The following CLHC1 variants were observed in gnomAD, a reference collection of about 807,000 sequenced individuals.
The protein encoded by CLHC1 is clathrin heavy chain linker domain containing 1.
CLHC1 carries 72 observed loss-of-function variants against 69.5 expected under a neutral mutation model. The ratio of observed to expected loss-of-function variants is 1.04; its 90% confidence interval spans 0.86 to 1.26. CLHC1 has a LOEUF of 1.26. Ranked by LOEUF, CLHC1 falls within the 50% of genes most tolerant of loss-of-function variation. The pLI, the probability that CLHC1 is intolerant of heterozygous loss-of-function variation, is 0.00. For missense variants in CLHC1, 790 were observed against 679.3 expected (o/e 1.16, Z -1.81); for synonymous variants, 223 against 224.3 (o/e 0.99, Z 0.05).
intron 2 of CLHC1, among the ~76,000 whole-genome samples, chr2:55,223,534 A>G (rs936053272): frequency 6.6e-6 from 1 of 152,050 alleles, no homozygotes; most frequent in Non-Finnish European, 1.5e-5. Flanking sequence ...TCCGAGCGCC[A>G]AGGGTCGGCG....
At chr2:55,205,119 T>C (rs1270441200) in intron 9 of CLHC1, among the ~76,000 whole-genome samples, 2 of 152,000 alleles carry the variant, frequency 1.3e-5, no homozygotes, top group Non-Finnish European at 2.9e-5. Context: ...AGGCAACAGA[T>C]GTTGGAGAGG....
At chr2:55,223,799 C>CTTT (rs148429043) in intron 2 of CLHC1, among the ~76,000 whole-genome samples, 1 of 145,460 alleles carries the variant, frequency 6.9e-6, no homozygotes, top group African/African-American at 2.5e-5. Flanking sequence ...CGGATCGTAA[C>CTTT]TTTTTTTTTT....
intron 9 of CLHC1, among the ~76,000 whole-genome samples, chr2:55,193,138 C>T (rs890786378): frequency 1.1e-4 from 17 of 151,988 alleles, no homozygotes; most frequent in Non-Finnish European, 1.9e-4. Flanking sequence ...GTGATCCACC[C>T]GCCTCAGCCT....
chr2:55,226,678 C>A (rs1159561294), intron 2 of CLHC1, among the ~76,000 whole-genome samples: 1 of 152,230 alleles, frequency 6.6e-6, no homozygotes, highest in South Asian at 2.1e-4. Flanking sequence ...GTCGCCCAGG[C>A]TGGAGTGCAG....
At chr2:55,180,183 A>G (rs543495929) in intron 11 of CLHC1, among the ~76,000 whole-genome samples, 2 of 152,178 alleles carry the variant, frequency 1.3e-5, no homozygotes, top group East Asian at 3.9e-4. Flanking sequence ...ATATCTCACA[A>G]ATAAGTTATT....
At chr2:55,205,262 G>A (rs954696979) in intron 9 of CLHC1, among the ~76,000 whole-genome samples, 1 of 152,078 alleles carries the variant, frequency 6.6e-6, no homozygotes, top group Non-Finnish European at 1.5e-5. Flanking sequence ...TCCCGCTACT[G>A]GGTATCTACC....
chr2:55,200,141 T>A (rs961061020), intron 9 of CLHC1, among the ~76,000 whole-genome samples: 25 of 147,544 alleles, frequency 1.7e-4, no homozygotes, highest in Non-Finnish European at 7.4e-5. Context: ...GATGGTAGGA[T>A]CACTTGAGCC....
rs1366951141 is a variant in CLHC1 at position 55,175,600 on chromosome 2, T to A, written c.*190A>T. 16 of 528,198 alleles carry A rather than the reference T, an allele frequency of 3.0e-5. No homozygotes were observed. Among genetic ancestry groups the A allele is most frequent in the Non-Finnish European group, 4.0e-5 (12 of 298,824 alleles). The allele number at this position is 528,198 out of a possible 1,614,324, so 32.7% of individuals were successfully genotyped here. ...AGATTCAATATAAGAAATGACCATA[T>A]GGGGAAAAGGAAGCAATAGTATAAA... On this transcript the variant is annotated 3_prime_UTR_variant, in exon 13 of 13. Transcript: ENST00000401408.
intron 2 of CLHC1, chr2:55,223,975 T>C (rs531194804): frequency 6.5e-6 from 1 of 152,710 alleles, no homozygotes; most frequent in African/African-American, 2.4e-5. Context: ...TTTGTATTTT[T>C]AGTAGAGATG....
chr2:55,193,876 A>AATT (rs1323004884), intron 9 of CLHC1, among the ~76,000 whole-genome samples: 13 of 152,232 alleles, frequency 8.5e-5, no homozygotes, highest in Non-Finnish European at 1.5e-5. Flanking sequence ...AAGCCCAATG[A>AATT]CCATCAACTG....
chr2:55,189,218 A>G (rs1670693000), intron 9 of CLHC1, among the ~76,000 whole-genome samples: 2 of 152,194 alleles, frequency 1.3e-5, no homozygotes, highest in African/African-American at 2.4e-5. Context: ...ATTCTTAAAA[A>G]CTACTCAATT....
At chr2:55,197,941 C>T (rs1671578204) in intron 9 of CLHC1, among the ~76,000 whole-genome samples, 1 of 152,054 alleles carries the variant, frequency 6.6e-6, no homozygotes, top group Non-Finnish European at 1.5e-5. Context: ...GGAAACTCAA[C>T]AAAATTTAAG....
chr2:55,183,391 G>T (rs915318281), intron 9 of CLHC1, among the ~76,000 whole-genome samples: 1 of 152,192 alleles, frequency 6.6e-6, no homozygotes, highest in Non-Finnish European at 1.5e-5. Flanking sequence ...TGGCGAGGAA[G>T]AATAAAGTTG....
At chr2:55,177,571 T>A in intron 12 of CLHC1, 31 bp downstream of exon 12, 1 of 1,508,636 alleles carries the variant, frequency 6.6e-7, no homozygotes, top group East Asian at 2.3e-5. Flanking sequence ...AACCCACTAC[T>A]ATTTCTCCCA....
chr2:55,208,557 G>T lies in CLHC1; in HGVS notation c.899+69C>A, dbSNP rs1026383587. The T allele has an allele frequency of 1.5e-5, 14 of 925,510 alleles. No homozygotes were observed. In the South Asian group the frequency reaches 1.8e-4, roughly 12 times the overall value. The allele number at this position is 925,510 out of a possible 1,614,324, so 57.3% of individuals were successfully genotyped here. On this transcript the variant is annotated intron_variant, in intron 8 of 12. Transcript: ENST00000401408. ...GAAAAATCTCCTAGATTCCCAATCTGGTATGTTATTCACAAAGAATCTATG... is the reference window on the plus strand; with the variant it reads ...GAAAAATCTCCTAGATTCCCAATCTTGTATGTTATTCACAAAGAATCTATG...
chr2:55,228,857 G>GA (rs1363995829), intron 1 of CLHC1, among the ~76,000 whole-genome samples: 3 of 151,864 alleles, frequency 2.0e-5, no homozygotes, highest in South Asian at 2.1e-4. Context: ...CAACACACAA[G>GA]AAAAAAAATA....
intron 9 of CLHC1, among the ~76,000 whole-genome samples, chr2:55,188,168 T>C (rs926459982): frequency 2.6e-5 from 4 of 151,730 alleles, no homozygotes; most frequent in African/African-American, 4.8e-5. Context: ...TTTTAAATAT[T>C]AGCCAGGCGT....
Position 55,181,646 on chromosome 2 carries a change from G to C in CLHC1, c.1105C>G (p.Leu369Val). The C allele has an allele frequency of 6.2e-7, 1 of 1,613,740 alleles. No individual in the cohort carries two copies. Among genetic ancestry groups the C allele is most frequent in the African/African-American group, 1.3e-5 (1 of 74,970 alleles). ...CCACATTTGATTCCTTCCAGGGTTA[G>C]AGCTGCATCAACAGGACATGGAAAA... is the stretch of plus-strand genomic sequence containing the variant. ...HAFPCPVDAA[L>V]TLEGIKCGLS... is the part of the protein sequence containing the mutation. The change falls in exon 10 of 13, where the codon CTA (leucine) becomes GTA (valine). Residue 369 changes from leucine to valine, a missense_variant. Transcript: ENST00000401408.
At chr2:55,226,190 T>A (rs1466110080) in intron 2 of CLHC1, among the ~76,000 whole-genome samples, 1 of 86,116 alleles carries the variant, frequency 1.2e-5, no homozygotes, top group Non-Finnish European at 2.1e-5. Flanking sequence ...AGACTCCATT[T>A]CAAAAAAAAA....
Sources: gnomAD v4.1 joint callset for allele counts (sites outside exome capture counted in the v4.1 genomes callset) on GRCh38, gnomAD v4.1.1 for gene constraint, MANE v1.5 for transcripts, NCBI Gene and HGNC (gene_info 2026-07-23, HGNC 2026-07-21) for gene names.